TOP1: variants seen among roughly 807,000 people sequenced by gnomAD.
TOP1 encodes the protein DNA topoisomerase 1.
A neutral mutation model predicts 111.1 loss-of-function variants in TOP1; 10 were observed. That is an observed-to-expected ratio of 0.09 (90% CI 0.06 to 0.15). The LOEUF (loss-of-function observed/expected upper bound fraction) is 0.15. Among genes scored for constraint, TOP1 ranks in the 10% least tolerant of loss-of-function variants. TOP1 has a pLI of 1.00. For missense variants in TOP1, 474 were observed against 926.7 expected, an observed-to-expected ratio of 0.51 and a Z score of 6.34; for synonymous variants, 271 against 302.9, an observed-to-expected ratio of 0.89 and a Z score of 1.10.
chr20:41,049,820 C>A (rs1292969759), intron 2 of TOP1, among the ~76,000 whole-genome samples: 1 of 152,178 alleles, frequency 6.6e-6, no homozygotes, highest in Non-Finnish European at 1.5e-5. Flanking sequence ...TGTCTGCCAT[C>A]TTCTTAGCTA....
rs80242414 is a variant in TOP1 at position 41,095,010 on chromosome 20, A to T, written c.731-2210A>T. Among the ~76,000 whole-genome samples the T allele has an allele frequency of 0.029, 4,419 of 152,260 alleles. 122 individuals are homozygous for T. Among genetic ancestry groups the T allele is most frequent in the Non-Finnish European group, 0.045 (3,026 of 67,994 alleles). ...TTGCTTCTCCCTCTATTAGGACAGA[A>T]TTCAGTAAAACAGCCCAAAATCTCA... On this transcript the variant is annotated intron_variant, in intron 9 of 20. Transcript: ENST00000361337. The surrounding 1 kb of genome is among the most constrained non-coding windows in gnomAD (Gnocchi z 4.6).
intron 17 of TOP1, among the ~76,000 whole-genome samples, chr20:41,117,890 A>T (rs1289689818): frequency 6.6e-6 from 1 of 152,072 alleles, no homozygotes; most frequent in Non-Finnish European, 1.5e-5. Context: ...CCCTGAGTAA[A>T]AAGAAAGGTG....
At position 41,078,121 on chromosome 20, in the gene TOP1, A is replaced by T. The variant is rs1002986098; in HGVS notation, c.335+484A>T. Among the ~76,000 whole-genome samples, 2 of 152,214 alleles carry T rather than the reference A, an allele frequency of 1.3e-5. No homozygotes were observed. Among genetic ancestry groups the T allele is most frequent in the African/African-American group, 2.4e-5 (1 of 41,446 alleles). Reference sequence around the variant, plus strand: ...ATTAGTAATATTGGGAGGCTTATATATAAAAGATCATTTGACCTACATGTT... The same window carrying T: ...ATTAGTAATATTGGGAGGCTTATATTTAAAAGATCATTTGACCTACATGTT... On this transcript the variant is annotated intron_variant, in intron 5 of 20. Coordinates refer to ENST00000361337, the MANE Select transcript of TOP1 (RefSeq NM_003286.4). The surrounding 1 kb of genome is among the most constrained non-coding windows in gnomAD (Gnocchi z 5.3).
chr20:41,098,153 C>T lies in TOP1; in HGVS notation c.853-62C>T, dbSNP rs927013516. 6.4e-6 allele frequency: 10 copies of T among 1,568,634 alleles called. No individual in the cohort carries two copies. The highest frequency in any genetic ancestry group is 8.8e-6 in the Non-Finnish European group (10 of 1,140,346). On this transcript the variant is annotated intron_variant, in intron 10 of 20. Transcript: ENST00000361337. This position sits in a 1 kb window ranked among gnomAD's most constrained non-coding sequence, Gnocchi z 5.7. The stretch of plus-strand genomic sequence containing the variant: ...TGCTTGGGTGTATTTGCAAAGAAAC[C>T]CAAGGACTTATTAGTGTATTTTCGT...
chr20:41,045,083 T>A (rs1019633090), intron 2 of TOP1, among the ~76,000 whole-genome samples: 1 of 152,196 alleles, frequency 6.6e-6, no homozygotes, highest in Non-Finnish European at 1.5e-5. Context: ...CCACTGCACC[T>A]GGCCTATATG....
chr20:41,121,215 A>G lies in TOP1; in HGVS notation c.1951-481A>G, dbSNP rs2034418129. 6.6e-6 allele frequency among the ~76,000 whole-genome samples: 1 copy of G among 152,136 alleles called. No homozygotes were observed. The highest frequency in any genetic ancestry group is 2.1e-4 in the South Asian group (1 of 4,828). ...CTTGAGAAGCTGGCACCGCCTTCCC[A>G]GAGTACTGGTGGGATCTGAGGAACG... is the stretch of plus-strand genomic sequence containing the variant. On this transcript the variant is annotated intron_variant, in intron 18 of 20. Coordinates refer to ENST00000361337, the MANE Select transcript of TOP1 (RefSeq NM_003286.4). The surrounding 1 kb of genome is among the most constrained non-coding windows in gnomAD (Gnocchi z 4.2).
chr20:41,039,690 C>T (rs776425206), intron 2 of TOP1, among the ~76,000 whole-genome samples: 1 of 151,990 alleles, frequency 6.6e-6, no homozygotes, highest in East Asian at 1.9e-4. Context: ...GGGCGGATCA[C>T]GAGGTCAGGA....
At chr20:41,086,533 CCTTTA>C (rs2033850840) in intron 8 of TOP1, among the ~76,000 whole-genome samples, 1 of 152,154 alleles carries the variant, frequency 6.6e-6, no homozygotes, top group South Asian at 2.1e-4. Flanking sequence ...TGCTGTCTCC[CCTTTA>C]CTTCGGAGCT....
chr20:41,039,966 G>C (rs1022417639), intron 2 of TOP1, among the ~76,000 whole-genome samples: 2 of 152,198 alleles, frequency 1.3e-5, no homozygotes, highest in South Asian at 2.1e-4. Context: ...GGAATGGCTA[G>C]AGATGGTCAC....
At chr20:41,053,123 CACTT>C (rs1161016043) in intron 2 of TOP1, among the ~76,000 whole-genome samples, 1 of 152,182 alleles carries the variant, frequency 6.6e-6, no homozygotes, top group Non-Finnish European at 1.5e-5. Context: ...AAGTATGTCT[CACTT>C]AATTTTGCTC....
rs767253070 is a variant in TOP1 at position 41,118,188 on chromosome 20, G to A, written c.1842G>A (p.Ala614=). The change falls in exon 18 of 21, where the codon GCG becomes GCA. Residue 614 remains alanine (A), a synonymous_variant. Coordinates refer to ENST00000361337, the MANE Select transcript of TOP1 (RefSeq NM_003286.4). The surrounding 1 kb of genome is among the most constrained non-coding windows in gnomAD (Gnocchi z 4.6). ...ELTAPDENIP[A]KILSYNRANR... is the part of the protein sequence containing the mutation. ...TTACAGCGGATGAGAACATCCCAGC[G>A]AAGATCCTTTCTTATAACCGTGCCA... 7 of 1,613,966 alleles carry A rather than the reference G, an allele frequency of 4.3e-6. No individual in the cohort carries two copies. The highest frequency in any genetic ancestry group is 2.7e-5 in the African/African-American group (2 of 74,920).
At chr20:41,087,132 C>A (rs1037053793) in intron 8 of TOP1, among the ~76,000 whole-genome samples, 10 of 152,180 alleles carry the variant, frequency 6.6e-5, no homozygotes, top group African/African-American at 2.4e-4. Flanking sequence ...CCAGAAAAAA[C>A]CACTTACTCT....
intron 9 of TOP1, among the ~76,000 whole-genome samples, chr20:41,096,638 A>G (rs2033986888): frequency 6.6e-6 from 1 of 152,246 alleles, no homozygotes. Flanking sequence ...CTTGTTGAAT[A>G]GCAAAGTTCT....
rs553905605 is a variant in TOP1 at position 41,029,200 on chromosome 20, C to G, written c.33+100C>G. ...CCCAGCCCCGGCCCGGCAGCTTTGACAGGCCGGAGCCCCCGGTGAGGGGCC... is the reference window on the plus strand; with the variant it reads ...CCCAGCCCCGGCCCGGCAGCTTTGAGAGGCCGGAGCCCCCGGTGAGGGGCC... On this transcript the variant is annotated intron_variant, in intron 1 of 20. Transcript: ENST00000361337. This position sits in a 1 kb window ranked among gnomAD's most constrained non-coding sequence, Gnocchi z 6.1. 5 of 1,001,778 alleles carry G rather than the reference C, an allele frequency of 5.0e-6. No homozygotes were observed. The highest frequency in any genetic ancestry group is 2.7e-6 in the Non-Finnish European group (2 of 743,670). The allele number at this position is 1,001,778 out of a possible 1,614,324, so 62.1% of individuals were successfully genotyped here. A position where few individuals can be genotyped will look rare whatever the true frequency, so the allele number is the denominator to read the frequency against.
At chr20:41,081,101 TC>T in intron 6 of TOP1, 63 bp from the exon 7 acceptor site, 1 of 1,495,908 alleles carries the variant, frequency 6.7e-7, no homozygotes, top group East Asian at 2.3e-5. Context: ...TTTGTAGGTC[TC>T]CTATGAGTGA....
chr20:41,074,793 G>A (rs77199637), intron 3 of TOP1, among the ~76,000 whole-genome samples: 1 of 152,146 alleles, frequency 6.6e-6, no homozygotes, highest in Non-Finnish European at 1.5e-5. Flanking sequence ...TGCTGATGAA[G>A]TCTTTTTTTC....
In TOP1 at chr20:41,046,271, A is replaced by C. The variant is rs1343946566; in HGVS notation, c.59-15123A>C. ...CACTGGGCCAGTTTACTTTTGAAGA[A>C]ATTGAATCTCACGGTTTAAGTAAAG... On this transcript the variant is annotated intron_variant, in intron 2 of 20. Transcript: ENST00000361337. This position sits in a 1 kb window ranked among gnomAD's most constrained non-coding sequence, Gnocchi z 4.3. Among the ~76,000 whole-genome samples the C allele has an allele frequency of 6.6e-6, 1 of 152,236 alleles. No homozygotes were observed. Among genetic ancestry groups the C allele is most frequent in the Non-Finnish European group, 1.5e-5 (1 of 68,050 alleles).
In TOP1 at chr20:41,098,392, T is replaced by A; in HGVS notation, c.975+55T>A. The A allele has an allele frequency of 1.9e-6, 3 of 1,576,562 alleles. No individual in the cohort carries two copies. The South Asian group carries it at 3.5e-5, about 18-fold the overall frequency. On this transcript the variant is annotated intron_variant, in intron 11 of 20. Coordinates refer to ENST00000361337, the MANE Select transcript of TOP1 (RefSeq NM_003286.4). The surrounding 1 kb of genome is among the most constrained non-coding windows in gnomAD (Gnocchi z 5.7). The stretch of plus-strand genomic sequence containing the variant: ...AATTCTGGAATTGTGATTGGTTCAT[T>A]TAACTTTCTTCTTGGTTCTTATGAC...
chr20:41,080,738 A>C lies in TOP1; in HGVS notation c.432-427A>C, dbSNP rs1215571699. On this transcript the variant is annotated intron_variant, in intron 6 of 20. Coordinates refer to ENST00000361337, the MANE Select transcript of TOP1 (RefSeq NM_003286.4). This position sits in a 1 kb window ranked among gnomAD's most constrained non-coding sequence, Gnocchi z 5.0. ...GAGAAGGGAAATACTTAGTGAACTC[A>C]TTTGTATTCATTCAATATAGAATTT... Among the ~76,000 whole-genome samples the C allele has an allele frequency of 6.6e-6, 1 of 152,208 alleles. No individual in the cohort carries two copies. Among genetic ancestry groups the C allele is most frequent in the Non-Finnish European group, 1.5e-5 (1 of 68,036 alleles).
Sources: allele counts gnomAD v4.1 joint callset (sites outside exome capture counted in the v4.1 genomes callset), GRCh38; gene constraint gnomAD v4.1.1; non-coding constraint Gnocchi (gnomAD v3.1); transcripts MANE v1.5; gene names NCBI Gene and HGNC (gene_info 2026-07-23, HGNC 2026-07-21).